RPH3A: variants seen among roughly 807,000 people sequenced by gnomAD.
RPH3A encodes rabphilin 3A.
A neutral mutation model predicts 102.2 loss-of-function variants in RPH3A; 48 were observed. The observed-to-expected ratio is 0.47, with a 90% confidence interval of 0.37 to 0.60. The LOEUF (loss-of-function observed/expected upper bound fraction) is 0.60, where lower values mean the gene tolerates loss of function less well. RPH3A is among the 20% of genes least tolerant of loss of function. RPH3A has a pLI of 0.00. For synonymous variants in RPH3A, 310 were observed against 324.3 expected (o/e 0.96, Z 0.47); for missense variants, 781 against 910.1 (o/e 0.86, Z 1.83).
chr12:112,847,881 T>A (rs1461363696), intron 5 of RPH3A, 39 bp downstream of exon 5: 1 of 1,605,408 alleles, frequency 6.2e-7, no homozygotes, highest in Non-Finnish European at 8.5e-7. Flanking sequence ...AGAGCTGCTG[T>A]GGCAGGAGGG....
rs2136227479 is a variant in RPH3A, at chr12:112,870,049, A to G, written c.796+10A>G. The G allele has an allele frequency of 1.2e-6, 2 of 1,607,788 alleles. No homozygotes were observed. The highest frequency in any genetic ancestry group is 4.5e-5 in the East Asian group (2 of 44,816). On this transcript the variant is annotated intron_variant, in intron 10 of 21. Transcript: ENST00000389385. ...AGCCGGAGCCCAGCAGGTGAGCAAG[A>G]TGGGCAAATCCAGAGACAGTTCTCT...
In RPH3A at chr12:112,755,388, C is replaced by T. The variant is rs2040817253; in HGVS notation, c.-139-36755C>T. ...ACACACATATGTGTCCGTTTAAGTA[C>T]TGTTGAGTTATTGGCCCTAATCCTT... On this transcript the variant is annotated intron_variant, in intron 1 of 21. Transcript: ENST00000543106. Among the ~76,000 whole-genome samples the T allele has an allele frequency of 2.0e-5, 3 of 151,542 alleles. No individual in the cohort carries two copies. In the South Asian group the frequency reaches 6.2e-4, roughly 32 times the overall value.
chr12:112,712,221 A>C (rs1198156114), intron 1 of RPH3A, among the ~76,000 whole-genome samples: 1 of 152,160 alleles, frequency 6.6e-6, no homozygotes, highest in Non-Finnish European at 1.5e-5. Context: ...ACACGCATGC[A>C]CGCACGCAGG....
chr12:112,675,242 A>G (rs915742092), intron 1 of RPH3A, among the ~76,000 whole-genome samples: 3 of 152,116 alleles, frequency 2.0e-5, no homozygotes, highest in African/African-American at 7.2e-5. Context: ...CTCAGGAGGC[A>G]TCATGGTTTT....
At chr12:112,825,809 T>C (rs1020702336) in intron 2 of RPH3A, among the ~76,000 whole-genome samples, 1 of 152,040 alleles carries the variant, frequency 6.6e-6, no homozygotes, top group African/African-American at 2.4e-5. Context: ...ACAACTTATA[T>C]TAAATTGGGG....
chr12:112,737,354 A>G (rs1031036923), intron 1 of RPH3A, among the ~76,000 whole-genome samples: 8 of 152,120 alleles, frequency 5.3e-5, no homozygotes, highest in Non-Finnish European at 1.0e-4. Context: ...AAATGGGGAT[A>G]ATAATATGTA....
intron 1 of RPH3A, among the ~76,000 whole-genome samples, chr12:112,771,217 T>C (rs10774659): frequency 0.5 from 75,510 of 152,060 alleles, 19,913 homozygotes; most frequent in East Asian, 0.7. Context: ...GACACTTGTC[T>C]TTTAAATTTT....
At chr12:112,730,969 C>A (rs764411821) in intron 1 of RPH3A, among the ~76,000 whole-genome samples, 6 of 152,188 alleles carry the variant, frequency 3.9e-5, no homozygotes, top group Non-Finnish European at 7.3e-5. Flanking sequence ...TCCCTGGTGA[C>A]TGGCTGAACA....
chr12:112,712,904 C>CTCTTTTTCTTCTTCTTCT lies in RPH3A; in HGVS notation c.-139-79235_-139-79234insTTTCTTCTTCTTCTTCTT, dbSNP rs2040475269. ...TTTCTTCTTCTTCTTCTTCTTCTTCCTCTTCTTCTTCTTCTTCTTCCTCTT... is the reference window on the plus strand; with the variant it reads ...TTTCTTCTTCTTCTTCTTCTTCTTCCTCTTTTTCTTCTTCTTCTTCTTCTTCTTCTTCTTCTTCCTCTT... On this transcript the variant is annotated intron_variant, in intron 1 of 21. Transcript: ENST00000543106. Among the ~76,000 whole-genome samples, 12 of 92,542 alleles carry CTCTTTTTCTTCTTCTTCT rather than the reference C, an allele frequency of 1.3e-4. 1 individual carries two copies. Among genetic ancestry groups the CTCTTTTTCTTCTTCTTCT allele is most frequent in the African/African-American group, 6.1e-4 (11 of 18,084 alleles). 60.7% of individuals were successfully genotyped at this position (92,542 alleles called of 152,430 possible). A position where few individuals can be genotyped will look rare whatever the true frequency, so the allele number is the denominator to read the frequency against.
chr12:112,658,599 C>T (rs769917328), intron 1 of RPH3A, among the ~76,000 whole-genome samples: 18 of 152,200 alleles, frequency 1.2e-4, no homozygotes, highest in Admixed American at 2.6e-4. Context: ...TGAGAGAAGA[C>T]GATGCCTCCT....
intron 2 of RPH3A, among the ~76,000 whole-genome samples, chr12:112,819,571 C>A (rs1203095676): frequency 1.3e-5 from 2 of 152,230 alleles, no homozygotes; most frequent in Non-Finnish European, 2.9e-5. Context: ...TGCTGTGTAA[C>A]AAACCACCCC....
rs1215661912 is a variant in RPH3A at position 112,722,244 on chromosome 12, G to A, written c.-139-69899G>A. ...CACATGAGAATTGGTTATTGGAATT[G>A]TTTCCTTTGGGAAAGAATGCATAGC... On this transcript the variant is annotated intron_variant, in intron 1 of 21. Coordinates refer to the RPH3A transcript ENST00000543106. Among the ~76,000 whole-genome samples, 4 of 152,206 alleles carry A rather than the reference G, an allele frequency of 2.6e-5. No individual in the cohort carries two copies. The South Asian group carries it at 6.2e-4, about 24-fold the overall frequency.
intron 1 of RPH3A, among the ~76,000 whole-genome samples, chr12:112,745,926 G>A (rs75246900): frequency 0.15 from 22,630 of 152,032 alleles, 1,811 homozygotes; most frequent in Admixed American, 0.21. Flanking sequence ...TGTGATTGTG[G>A]AACTGTAGAT....
chr12:112,745,526 T>A (rs2040739686), intron 1 of RPH3A, among the ~76,000 whole-genome samples: 1 of 152,300 alleles, frequency 6.6e-6, no homozygotes, highest in Non-Finnish European at 1.5e-5. Context: ...TTTATTCACA[T>A]TTATGTATAT....
rs11375355 is a variant in RPH3A at position 112,774,063 on chromosome 12, CA to C, written c.-139-18066del. On this transcript the variant is annotated intron_variant, in intron 1 of 21. Transcript: ENST00000543106. The stretch of plus-strand genomic sequence containing the variant: ...TCACGCCACTGCACTCCAGCCTGGG[CA>C]AAAAAAAAAAAAAGAAAAAGAGAAA... Among the ~76,000 whole-genome samples the C allele has an allele frequency of 1.0e-3, 111 of 108,362 alleles. 1 individual carries two copies. Among genetic ancestry groups the C allele is most frequent in the Middle Eastern group, 4.6e-3 (1 of 218 alleles). The allele number at this position is 108,362 out of a possible 152,430, so 71.1% of individuals were successfully genotyped here.
chr12:112,886,225 C>T (rs1290180414), intron 16 of RPH3A, among the ~76,000 whole-genome samples: 4 of 152,104 alleles, frequency 2.6e-5, no homozygotes, highest in African/African-American at 2.4e-5. Context: ...CCTTTCCTCT[C>T]TTAGTGTTTG....
intron 1 of RPH3A, among the ~76,000 whole-genome samples, chr12:112,647,914 G>A (rs1469504209): frequency 6.6e-6 from 1 of 152,134 alleles, no homozygotes; most frequent in Non-Finnish European, 1.5e-5. Context: ...CTTGATACAT[G>A]TTAACTGTTA....
intron 1 of RPH3A, among the ~76,000 whole-genome samples, chr12:112,652,936 A>G (rs1452409008): frequency 1.3e-5 from 2 of 152,168 alleles, no homozygotes; most frequent in Non-Finnish European, 2.9e-5. Context: ...GGTATAGCCT[A>G]TTGTACCACT....
intron 1 of RPH3A, among the ~76,000 whole-genome samples, chr12:112,711,937 A>G (rs2040465833): frequency 6.6e-6 from 1 of 152,088 alleles, no homozygotes. Flanking sequence ...GGTTCAAGCA[A>G]TTCTCCTGCC....
Sources: allele counts gnomAD v4.1 joint callset (sites outside exome capture counted in the v4.1 genomes callset), GRCh38; gene constraint gnomAD v4.1.1; transcripts MANE v1.5; gene names NCBI Gene and HGNC (gene_info 2026-07-23, HGNC 2026-07-21).